Variants in PITPNB observed in about 807,000 individuals in gnomAD.
The protein encoded by PITPNB is phosphatidylinositol transfer protein beta, also known as phosphatidylinositol transfer protein beta isoform.
A neutral mutation model predicts 45.9 loss-of-function variants in PITPNB; 16 were observed. The observed-to-expected ratio is 0.35, with a 90% CI of 0.24 to 0.53. PITPNB has a LOEUF of 0.53. Ranked by LOEUF, PITPNB falls within the 20% of genes least tolerant of loss-of-function variation. The pLI is 0.93. For synonymous variants in PITPNB, 112 were observed against 108.9 expected, an observed-to-expected ratio of 1.03 and a Z score of -0.18; for missense variants, 188 against 330.5, an observed-to-expected ratio of 0.57 and a Z score of 3.34.
At chr22:27,909,336 GA>G (rs1282125090) in intron 3 of PITPNB, among the ~76,000 whole-genome samples, 4 of 151,382 alleles carry the variant, frequency 2.6e-5, no homozygotes, top group Non-Finnish European at 4.4e-5. Flanking sequence ...CAAGTTCTGG[GA>G]TTATAGGCCT....
At chr22:27,889,374 C>G (rs1274292784) in intron 7 of PITPNB, among the ~76,000 whole-genome samples, 1 of 152,044 alleles carries the variant, frequency 6.6e-6, no homozygotes, top group Non-Finnish European at 1.5e-5. Context: ...ACATTTCAGA[C>G]AGTGTTATAG....
Position 27,873,791 on chromosome 22 carries a change from C to T in PITPNB, c.481G>A (p.Ala161Thr), listed in dbSNP as rs768193459. The T allele has an allele frequency of 6.2e-7, 1 of 1,613,098 alleles. No individual in the cohort carries two copies. Among genetic ancestry groups the T allele is most frequent in the South Asian group, 1.1e-5 (1 of 91,060 alleles). The change falls in exon 8 of 12, where the codon GCA (alanine) becomes ACA (threonine). Residue 161 changes from alanine (A) to threonine (T), a missense_variant. Ala to Thr is a moderately conservative substitution (Grantham distance 58). Transcript: ENST00000335272. ...TTGGTCTTGACTGACTGGAATAATG[C>T]TGGGTCTTCATCAGCTTTGTAGTCC... ...PADYKADEDPALFQSVKTKRG... is the reference protein window; with the variant it reads ...PADYKADEDPTLFQSVKTKRG...
At position 27,900,416 on chromosome 22, in the gene PITPNB, T is replaced by C. The variant is rs193094459; in HGVS notation, c.198-2524A>G. ...AAGGCCAACATGAGCCAAATCTACA[T>C]GAAAATTTTAATATTTCTTTATCTC... On this transcript the variant is annotated intron_variant, in intron 3 of 11. Coordinates refer to ENST00000335272, the MANE Select transcript of PITPNB (RefSeq NM_012399.5). Among the ~76,000 whole-genome samples the C allele has an allele frequency of 1.2e-3, 189 of 152,278 alleles. 2 individuals are homozygous for C. The highest frequency in any genetic ancestry group is 2.0e-3 in the Non-Finnish European group (133 of 68,018).
intron 3 of PITPNB, among the ~76,000 whole-genome samples, chr22:27,899,460 G>A (rs540256646): frequency 1.7e-3 from 260 of 151,852 alleles, no homozygotes; most frequent in Non-Finnish European, 2.0e-3. Context: ...ATAGCTGGGG[G>A]TACAGGCGCC....
chr22:27,902,379 C>T (rs545739706), intron 3 of PITPNB, among the ~76,000 whole-genome samples: 10 of 152,240 alleles, frequency 6.6e-5, no homozygotes, highest in Middle Eastern at 3.4e-3. Context: ...CCACCTTATA[C>T]GTCACAGAGT....
intron 3 of PITPNB, among the ~76,000 whole-genome samples, chr22:27,903,178 G>C (rs1935650479): frequency 6.6e-6 from 1 of 151,978 alleles, no homozygotes; most frequent in Non-Finnish European, 1.5e-5. Context: ...TTTCAAAATG[G>C]GCAGCCAGAG....
chr22:27,903,274 A>C (rs886321334), intron 3 of PITPNB, among the ~76,000 whole-genome samples: 2 of 151,982 alleles, frequency 1.3e-5, no homozygotes, highest in Non-Finnish European at 2.9e-5. Flanking sequence ...GTTCGAGACC[A>C]GCCTGACCAA....
chr22:27,918,214 G>A (rs1936143354), intron 1 of PITPNB, among the ~76,000 whole-genome samples: 1 of 152,146 alleles, frequency 6.6e-6, no homozygotes, highest in Non-Finnish European at 1.5e-5. Flanking sequence ...GTGCATCAGT[G>A]ACTTTTTAAA....
At chr22:27,916,694 T>G (rs373881123) in intron 1 of PITPNB, among the ~76,000 whole-genome samples, 3 of 152,026 alleles carry the variant, frequency 2.0e-5, no homozygotes, top group African/African-American at 7.2e-5. Context: ...TCCCAGCTAC[T>G]TGGGAGGCTG....
Position 27,860,984 on chromosome 22 carries a change from T to TG in PITPNB, c.535-744dup, listed in dbSNP as rs1408123306. Among the ~76,000 whole-genome samples, 16 of 135,902 alleles carry TG rather than the reference T, an allele frequency of 1.2e-4. No individual in the cohort carries two copies. The East Asian group carries it at 3.5e-3, about 30-fold the overall frequency. The allele number at this position is 135,902 out of a possible 152,430, so 89.2% of individuals were successfully genotyped here. A position where few individuals can be genotyped will look rare whatever the true frequency, so the allele number is the denominator to read the frequency against. On this transcript the variant is annotated intron_variant, in intron 8 of 11. Transcript: ENST00000335272. ...GGGAGGATCACCTGAGGCCAGGAGTTGGAGACCAGCCTGGGTAAGATAGCA... is the reference window on the plus strand; with the variant it reads ...GGGAGGATCACCTGAGGCCAGGAGTTGGGAGACCAGCCTGGGTAAGATAGCA...
At chr22:27,890,835 A>G (rs2146393330) in intron 7 of PITPNB, among the ~76,000 whole-genome samples, 1 of 152,292 alleles carries the variant, frequency 6.6e-6, no homozygotes, top group East Asian at 1.9e-4. Flanking sequence ...AAAACAAAAA[A>G]CAGATGAATG....
intron 9 of PITPNB, among the ~76,000 whole-genome samples, chr22:27,859,482 A>C (rs1934258312): frequency 6.6e-6 from 1 of 152,242 alleles, no homozygotes; most frequent in Non-Finnish European, 1.5e-5. Context: ...AGTAAACACC[A>C]AGGAAATGTT....
chr22:27,887,374 C>T (rs1935151071), intron 7 of PITPNB, among the ~76,000 whole-genome samples: 1 of 152,148 alleles, frequency 6.6e-6, no homozygotes, highest in South Asian at 2.1e-4. Flanking sequence ...TCCCTGTTTA[C>T]AAAGCAAGAG....
At chr22:27,896,110 T>C (rs1353033217) in intron 6 of PITPNB, among the ~76,000 whole-genome samples, 2 of 152,236 alleles carry the variant, frequency 1.3e-5, no homozygotes, top group Admixed American at 1.3e-4. Context: ...TTCAAGTACT[T>C]TATCCCTCCT....
At chr22:27,890,567 C>G (rs534136877) in intron 7 of PITPNB, among the ~76,000 whole-genome samples, 1 of 152,126 alleles carries the variant, frequency 6.6e-6, no homozygotes, top group South Asian at 2.1e-4. Context: ...GTAATCCCAG[C>G]ACTTTGGGAG....
intron 3 of PITPNB, among the ~76,000 whole-genome samples, chr22:27,909,207 C>CTTTTTTTTTTTTTTTTTTTTTTTTGCTTT (rs34224616): frequency 1.2e-5 from 1 of 82,246 alleles, no homozygotes; most frequent in Admixed American, 1.6e-4. Context: ...ACTGGTAGTA[C>CTTTTTTTTTTTTTTTTTTTTTTTTGCTTT]TTTTTTTTTT....
rs531494718 is a variant in PITPNB at position 27,868,578 on chromosome 22, G to A, written c.534+5160C>T. On this transcript the variant is annotated intron_variant, in intron 8 of 11. Coordinates refer to ENST00000335272, the MANE Select transcript of PITPNB (RefSeq NM_012399.5). ...GCTGTTCTAGAATGAGTCTAAAGCTGACTGAGCAGCTAAACAGTATGAAAA... is the reference window on the plus strand; with the variant it reads ...GCTGTTCTAGAATGAGTCTAAAGCTAACTGAGCAGCTAAACAGTATGAAAA... Among the ~76,000 whole-genome samples the A allele has an allele frequency of 2.6e-5, 4 of 152,314 alleles. No individual in the cohort carries two copies. In the East Asian group the frequency reaches 7.7e-4, roughly 29 times the overall value.
intron 7 of PITPNB, among the ~76,000 whole-genome samples, chr22:27,888,004 TCCATC>T (rs1935173911): frequency 1.3e-5 from 2 of 152,206 alleles, no homozygotes; most frequent in South Asian, 4.1e-4. Flanking sequence ...CCTCAACTCT[TCCATC>T]CCATTCCTGT....
At position 27,853,259 on chromosome 22, in the gene PITPNB, C is replaced by G. The variant is rs1934076919; in HGVS notation, c.*443G>C. On this transcript the variant is annotated 3_prime_UTR_variant, in exon 12 of 12. Coordinates refer to ENST00000335272, the MANE Select transcript of PITPNB (RefSeq NM_012399.5). ...GGTCCACAGCTTGACATTTATGAAA[C>G]ATACCAGCTAGTATTACATTGCAGT... 1 of 213,930 alleles carries G rather than the reference C, an allele frequency of 4.7e-6. No homozygotes were observed. Among genetic ancestry groups the G allele is most frequent in the African/African-American group, 2.3e-5 (1 of 43,906 alleles). The allele number at this position is 213,930 out of a possible 1,614,324, so 13.3% of individuals were successfully genotyped here.
Sources: allele counts gnomAD v4.1 joint callset (sites outside exome capture counted in the v4.1 genomes callset), GRCh38; gene constraint gnomAD v4.1.1; transcripts MANE v1.5; gene names NCBI Gene and HGNC (gene_info 2026-07-23, HGNC 2026-07-21).